FYN: variants seen among roughly 807,000 people sequenced by gnomAD.
The protein encoded by FYN is tyrosine-protein kinase Fyn.
FYN carries 10 observed loss-of-function variants against 70.2 expected under a neutral mutation model. The observed-to-expected ratio is 0.14, with a 90% confidence interval of 0.09 to 0.24. The LOEUF (loss-of-function observed/expected upper bound fraction) is 0.24. FYN is among the 10% of genes least tolerant of loss of function. The pLI, the probability that FYN is intolerant of heterozygous loss-of-function variation, is 1.00. For missense variants in FYN, 319 were observed against 673.1 expected (o/e 0.47, Z 5.82); for synonymous variants, 236 against 248.6 (o/e 0.95, Z 0.48).
intron 2 of FYN, among the ~76,000 whole-genome samples, chr6:111,820,449 A>C (rs1772621993): frequency 6.6e-6 from 1 of 152,190 alleles, no homozygotes; most frequent in Non-Finnish European, 1.5e-5. Context: ...CTTAATGACA[A>C]AAGCAAAATT....
At chr6:111,747,111 T>C (rs1802261416) in intron 3 of FYN, among the ~76,000 whole-genome samples, 1 of 152,238 alleles carries the variant, frequency 6.6e-6, no homozygotes, top group African/African-American at 2.4e-5. Flanking sequence ...CCTGTAACTG[T>C]CAATACTCTC....
chr6:111,742,008 A>T (rs917725256), intron 3 of FYN, among the ~76,000 whole-genome samples: 3 of 152,182 alleles, frequency 2.0e-5, no homozygotes, highest in Admixed American at 2.0e-4. Flanking sequence ...TAGTGATTAA[A>T]ATAATCCCCC....
Position 111,751,348 on chromosome 6 carries a change from C to T in FYN, c.-12+29218G>A, listed in dbSNP as rs144035997. ...TTTATGTTACACTGTGGCCTCAGAA[C>T]GCCAGAACTGCTGTCTCTAGGTAGA... On this transcript the variant is annotated intron_variant, in intron 3 of 13. Coordinates refer to ENST00000354650, the MANE Select transcript of FYN (RefSeq NM_002037.5). Among the ~76,000 whole-genome samples, 679 of 152,226 alleles carry T rather than the reference C, an allele frequency of 4.5e-3. 5 individuals carry two copies. Among genetic ancestry groups the T allele is most frequent in the Middle Eastern group, 0.017 (5 of 294 alleles).
intron 2 of FYN, among the ~76,000 whole-genome samples, chr6:111,836,991 G>T (rs1449771616): frequency 6.6e-6 from 1 of 152,014 alleles, no homozygotes; most frequent in Non-Finnish European, 1.5e-5. Context: ...CCAAATATAA[G>T]AAAACAGAAT....
At chr6:111,834,183 T>A (rs1013593065) in intron 2 of FYN, among the ~76,000 whole-genome samples, 1 of 152,050 alleles carries the variant, frequency 6.6e-6, no homozygotes, top group Non-Finnish European at 1.5e-5. Context: ...ATGATAAACA[T>A]GAAATTTAGA....
At chr6:111,816,643 G>A (rs1772498641) in intron 2 of FYN, among the ~76,000 whole-genome samples, 1 of 152,112 alleles carries the variant, frequency 6.6e-6, no homozygotes, top group Non-Finnish European at 1.5e-5. Flanking sequence ...CACGTATCAA[G>A]TTTGCAAAGA....
intron 13 of FYN, among the ~76,000 whole-genome samples, chr6:111,664,042 G>C (rs940434753): frequency 2.0e-5 from 3 of 152,198 alleles, no homozygotes; most frequent in Non-Finnish European, 2.9e-5. Flanking sequence ...CACAAAACCT[G>C]AACTGATTAC....
intron 12 of FYN, among the ~76,000 whole-genome samples, chr6:111,692,260 G>A (rs999130008): frequency 3.9e-5 from 6 of 152,200 alleles, no homozygotes; most frequent in African/African-American, 7.2e-5. Flanking sequence ...GTAAGGAAAC[G>A]CAGTACAAAG....
rs552798501 is a variant in FYN, at chr6:111,867,951, C to A, written c.-123+5017G>T. 2.0e-5 allele frequency among the ~76,000 whole-genome samples: 3 copies of A among 152,244 alleles called. No homozygotes were observed. In the South Asian group the frequency reaches 6.2e-4, roughly 32 times the overall value. Reference sequence around the variant, plus strand: ...CATTTCCCTTTGTCCATCTCTGTACCACTCCAAACAGCCCTGAACTAACTG... The same window carrying A: ...CATTTCCCTTTGTCCATCTCTGTACAACTCCAAACAGCCCTGAACTAACTG... On this transcript the variant is annotated intron_variant, in intron 1 of 13. Transcript: ENST00000354650.
intron 1 of FYN, among the ~76,000 whole-genome samples, chr6:111,857,649 T>C (rs1423743186): frequency 6.6e-6 from 1 of 152,230 alleles, no homozygotes; most frequent in Non-Finnish European, 1.5e-5. Context: ...TATTTGTGCA[T>C]GATTGAATTC....
chr6:111,816,594 T>A (rs1202959547), intron 2 of FYN, among the ~76,000 whole-genome samples: 1 of 152,168 alleles, frequency 6.6e-6, no homozygotes, highest in Non-Finnish European at 1.5e-5. Context: ...CACTAAAAAA[T>A]CAAAGAAATA....
chr6:111,740,877 G>A (rs1801929889), intron 3 of FYN: 1 of 152,218 alleles, frequency 6.6e-6, no homozygotes, highest in African/African-American at 2.4e-5. Flanking sequence ...GGGAGGTGGA[G>A]GCAGGTAGAT....
intron 3 of FYN, among the ~76,000 whole-genome samples, chr6:111,768,731 ACT>A (rs1803326560): frequency 6.6e-6 from 1 of 151,988 alleles, no homozygotes; most frequent in Non-Finnish European, 1.5e-5. Flanking sequence ...CCCATCCATC[ACT>A]CTCAGTCAAC....
intron 3 of FYN, among the ~76,000 whole-genome samples, chr6:111,757,371 T>G (rs1399022033): frequency 6.6e-6 from 1 of 152,182 alleles, no homozygotes. Flanking sequence ...GGGAGTATAA[T>G]TTCATGGAAG....
intron 2 of FYN, among the ~76,000 whole-genome samples, chr6:111,828,007 G>A (rs571659285): frequency 3.3e-5 from 5 of 152,256 alleles, no homozygotes; most frequent in Admixed American, 6.5e-5. Flanking sequence ...CACAATGGCC[G>A]CTTCACTCCG....
chr6:111,692,131 A>C (rs549923677), intron 12 of FYN, among the ~76,000 whole-genome samples: 229 of 130,692 alleles, frequency 1.8e-3, no homozygotes, highest in Non-Finnish European at 9.5e-4. Context: ...TCTCCAGTTC[A>C]CTTACTTCTT....
intron 3 of FYN, among the ~76,000 whole-genome samples, chr6:111,725,512 A>C (rs1197073458): frequency 6.8e-6 from 1 of 146,610 alleles, no homozygotes; most frequent in Non-Finnish European, 1.5e-5. Flanking sequence ...GACAGAAAGC[A>C]GGGCTATGCT....
intron 3 of FYN, among the ~76,000 whole-genome samples, chr6:111,746,028 C>T (rs1290826879): frequency 6.6e-6 from 1 of 152,210 alleles, no homozygotes; most frequent in Non-Finnish European, 1.5e-5. Context: ...GAAAGGAACC[C>T]ACGTACCTGG....
chr6:111,799,284 G>A (rs1353593471), intron 2 of FYN, among the ~76,000 whole-genome samples: 1 of 152,036 alleles, frequency 6.6e-6, no homozygotes, highest in African/African-American at 2.4e-5. Context: ...AGAAGTAAAT[G>A]TGCAGATATA....
Sources: gnomAD v4.1 joint callset for allele counts (sites outside exome capture counted in the v4.1 genomes callset) on GRCh38, gnomAD v4.1.1 for gene constraint, MANE v1.5 for transcripts, NCBI Gene and HGNC (gene_info 2026-07-23, HGNC 2026-07-21) for gene names.